MBD5: variants seen among roughly 807,000 people sequenced by gnomAD.
The protein encoded by MBD5 is methyl-CpG binding domain protein 5.
MBD5 carries 13 observed loss-of-function variants against 117.3 expected under a neutral mutation model. That is an observed-to-expected ratio of 0.11 (90% CI 0.07 to 0.18). The LOEUF (loss-of-function observed/expected upper bound fraction) is 0.18. MBD5 is among the 10% of genes least tolerant of loss of function. The pLI, the probability that MBD5 is intolerant of heterozygous loss-of-function variation, is 1.00. For synonymous variants in MBD5, 727 were observed against 766.4 expected (o/e 0.95, Z 0.85); for missense variants, 1,879 against 2,093.8 (o/e 0.90, Z 2.00).
chr2:148,128,869 T>C (rs1316940498), intron 1 of MBD5, among the ~76,000 whole-genome samples: 1 of 152,210 alleles, frequency 6.6e-6, no homozygotes, highest in Non-Finnish European at 1.5e-5. Context: ...GCATAAAATG[T>C]TTCTACTTAT....
chr2:148,278,489 G>A (rs769657396), intron 3 of MBD5, among the ~76,000 whole-genome samples: 6 of 151,902 alleles, frequency 3.9e-5, no homozygotes, highest in Non-Finnish European at 7.4e-5. Flanking sequence ...CTGTGTCTGT[G>A]GATTTTTCCA....
chr2:148,166,370 A>G (rs980050171), intron 1 of MBD5, among the ~76,000 whole-genome samples: 2 of 152,132 alleles, frequency 1.3e-5, no homozygotes, highest in African/African-American at 2.4e-5. Context: ...GATTTGAAAT[A>G]TTATTCTCAT....
chr2:148,386,268 C>A (rs1425164293), intron 4 of MBD5, among the ~76,000 whole-genome samples: 1 of 151,890 alleles, frequency 6.6e-6, no homozygotes, highest in East Asian at 1.9e-4. Flanking sequence ...CCAATGGGAT[C>A]CACAAAACCT....
At chr2:148,180,343 C>CAGATATAT (rs757856356) in intron 2 of MBD5, among the ~76,000 whole-genome samples, 2 of 105,544 alleles carry the variant, frequency 1.9e-5, no homozygotes, top group African/African-American at 7.2e-5. Flanking sequence ...AAAAATTATA[C>CAGATATAT]ATATATATAT....
intron 3 of MBD5, among the ~76,000 whole-genome samples, chr2:148,299,703 A>G (rs568454991): frequency 3.9e-5 from 6 of 152,242 alleles, no homozygotes; most frequent in African/African-American, 1.4e-4. Context: ...TATTTTGTTC[A>G]CTGAAGTGTC....
rs118189124 is a variant in MBD5, at chr2:148,396,123, A to T, written c.-557+53787A>T. On this transcript the variant is annotated intron_variant, in intron 4 of 13. Coordinates refer to ENST00000642680, the MANE Select transcript of MBD5 (RefSeq NM_001378120.1). ...TCTCATTAACTTTTTATCCCATTAA[A>T]ACTGAGCTTCCTCTTCTATTACATT... is the stretch of plus-strand genomic sequence containing the variant. Among the ~76,000 whole-genome samples, 13 of 152,296 alleles carry T rather than the reference A, an allele frequency of 8.5e-5. No individual in the cohort carries two copies. The East Asian group carries it at 2.5e-3, about 29-fold the overall frequency.
At chr2:148,416,163 C>A (rs1397797712) in intron 4 of MBD5, among the ~76,000 whole-genome samples, 1 of 152,060 alleles carries the variant, frequency 6.6e-6, no homozygotes, top group African/African-American at 2.4e-5. Context: ...AATGCTTTTG[C>A]ATTTGATTGT....
intron 3 of MBD5, among the ~76,000 whole-genome samples, chr2:148,320,171 T>C (rs150788369): frequency 6.6e-6 from 1 of 152,334 alleles, no homozygotes; most frequent in Non-Finnish European, 1.5e-5. Context: ...GATTTTTGCA[T>C]GTATCTTCAT....
chr2:148,426,748 C>T (rs1280310108), intron 4 of MBD5, among the ~76,000 whole-genome samples: 2 of 152,112 alleles, frequency 1.3e-5, no homozygotes, highest in Non-Finnish European at 2.9e-5. Context: ...TGGGCAAGGA[C>T]TTCCTGTCTA....
chr2:148,027,776 C>T (rs543370776), intron 1 of MBD5: 9 of 152,160 alleles, frequency 5.9e-5, no homozygotes, highest in Non-Finnish European at 1.5e-5. Flanking sequence ...ACATAATGAC[C>T]TGCAGAGTTT....
At position 148,021,463 on chromosome 2, in the gene MBD5, T is replaced by TTGCTGCTGCTGCTGCTGTTGCTGC. The variant is rs1558888979; in HGVS notation, c.-1135_-1112dup. ...CAACACAGACCCTTTGCTGCTGCTG[T>TTGCTGCTGCTGCTGCTGTTGCTGC]TGCTGCTGCTGCTGCTGTTGCTGCT... On this transcript the variant is annotated 5_prime_UTR_variant, in exon 1 of 14. Transcript: ENST00000642680. The TTGCTGCTGCTGCTGCTGTTGCTGC allele has an allele frequency of 2.6e-5, 15 of 573,776 alleles. 2 individuals carry two copies. The East Asian group carries it at 3.6e-4, about 14-fold the overall frequency. 35.5% of individuals were successfully genotyped at this position (573,776 alleles called of 1,614,324 possible).
intron 4 of MBD5, among the ~76,000 whole-genome samples, chr2:148,439,729 TTCTC>T (rs1347726896): frequency 6.7e-6 from 1 of 149,978 alleles, no homozygotes; most frequent in Non-Finnish European, 1.5e-5. Context: ...CCTATGTTCA[TTCTC>T]TCTCTTTTTT....
chr2:148,345,368 C>T (rs967023696), intron 4 of MBD5, among the ~76,000 whole-genome samples: 2 of 139,002 alleles, frequency 1.4e-5, no homozygotes, highest in African/African-American at 5.0e-5. Flanking sequence ...TACACATATA[C>T]ATATACACAT....
In MBD5 at chr2:148,323,722, A is replaced by G. The variant is rs553377191; in HGVS notation, c.-679-18492A>G. ...GTTTTTTTCTTGTAAATTTGAGTTC[A>G]TTGTAGATTGTGGATATTAGCCCTT... On this transcript the variant is annotated intron_variant, in intron 3 of 13. Coordinates refer to ENST00000642680, the MANE Select transcript of MBD5 (RefSeq NM_001378120.1). 4.1e-3 allele frequency among the ~76,000 whole-genome samples: 626 copies of G among 152,018 alleles called. 5 individuals carry two copies. The highest frequency in any genetic ancestry group is 0.014 in the African/African-American group (587 of 41,488).
chr2:148,325,803 T>C (rs1315711349), intron 3 of MBD5, among the ~76,000 whole-genome samples: 1 of 152,218 alleles, frequency 6.6e-6, no homozygotes, highest in Non-Finnish European at 1.5e-5. Flanking sequence ...GATTCGTTAA[T>C]TTTTTGAACG....
intron 3 of MBD5, among the ~76,000 whole-genome samples, chr2:148,320,689 C>T (rs1325374866): frequency 6.6e-6 from 1 of 152,098 alleles, no homozygotes; most frequent in Non-Finnish European, 1.5e-5. Flanking sequence ...CTGACTTAAT[C>T]TTGCTGTTCA....
chr2:148,311,027 C>T (rs13013565), intron 3 of MBD5, among the ~76,000 whole-genome samples: 32,374 of 152,048 alleles, frequency 0.21, 4,002 homozygotes, highest in East Asian at 0.54. Context: ...GTTATAATTT[C>T]TGTTCTTTTG....
chr2:148,468,241 T>C, intron 7 of MBD5, 100 bp from the exon 8 acceptor site: 1 of 947,628 alleles, frequency 1.1e-6, no homozygotes, highest in Admixed American at 2.0e-5. Flanking sequence ...CAGATGCCCA[T>C]CCTCCCTCTC....
intron 3 of MBD5, among the ~76,000 whole-genome samples, chr2:148,248,430 G>A (rs989734991): frequency 4.6e-5 from 7 of 152,060 alleles, no homozygotes; most frequent in Non-Finnish European, 8.8e-5. Flanking sequence ...GTAGTCCCAC[G>A]TAGCTGGCAG....
Sources: gnomAD v4.1 joint callset for allele counts (sites outside exome capture counted in the v4.1 genomes callset) on GRCh38, gnomAD v4.1.1 for gene constraint, MANE v1.5 for transcripts, NCBI Gene and HGNC (gene_info 2026-07-23, HGNC 2026-07-21) for gene names.